IL3RA: variants seen among roughly 807,000 people sequenced by gnomAD.
IL3RA encodes the protein interleukin-3 receptor subunit alpha.
In IL3RA, 73 loss-of-function variants were observed where a neutral mutation model predicts 52.3. The ratio of observed to expected loss-of-function variants is 1.40; its 90% CI spans 1.16 to 1.70. The LOEUF (loss-of-function observed/expected upper bound fraction) is 1.70, where lower values mean the gene tolerates loss of function less well. Among genes scored for constraint, IL3RA ranks in the 40% most tolerant of loss-of-function variants. The pLI, the probability that IL3RA is intolerant of heterozygous loss-of-function variation, is 0.00. For missense variants in IL3RA, 664 were observed against 504.4 expected, an observed-to-expected ratio of 1.32 and a Z score of -3.03; for synonymous variants, 260 against 194.0, an observed-to-expected ratio of 1.34 and a Z score of -2.83.
At chrX:1,353,631 C>A (rs866415009) in intron 6 of IL3RA, among the ~76,000 whole-genome samples, 1 of 51,982 alleles carries the variant, frequency 1.9e-5, no homozygotes, top group Non-Finnish European at 4.0e-5. Context: ...TCATGGGACC[C>A]CCCCCATCAT....
chrX:1,358,991 AAAAT>A (rs1441930103), intron 8 of IL3RA, 104 bp downstream of exon 8: 1 of 777,112 alleles, frequency 1.3e-6, no homozygotes, highest in African/African-American at 1.9e-5. Context: ...TCTTATTAAT[AAAAT>A]AATGAAAATA....
chrX:1,338,275 T>A (rs1306885345), intron 1 of IL3RA, among the ~76,000 whole-genome samples: 1 of 140,312 alleles, frequency 7.1e-6, no homozygotes, highest in Non-Finnish European at 1.5e-5. Context: ...ATAATGTCCA[T>A]CCACACAGTG....
intron 2 of IL3RA, among the ~76,000 whole-genome samples, chrX:1,342,992 T>G (rs1319099020): frequency 6.6e-6 from 1 of 151,740 alleles, no homozygotes; most frequent in Non-Finnish European, 1.5e-5. Flanking sequence ...GGAGAGTCGC[T>G]TGAACCCGGG....
intron 2 of IL3RA, among the ~76,000 whole-genome samples, chrX:1,344,082 C>G (rs1196430589): frequency 6.6e-6 from 1 of 152,040 alleles, no homozygotes; most frequent in East Asian, 1.9e-4. Context: ...GCGTGAGCCA[C>G]CACGCCCGTT....
At chrX:1,342,810 C>A (rs144745502) in intron 2 of IL3RA, among the ~76,000 whole-genome samples, 1 of 148,158 alleles carries the variant, frequency 6.7e-6, no homozygotes, top group Non-Finnish European at 1.5e-5. Flanking sequence ...CCGCCTGCCT[C>A]GGGGTTGGGA....
At chrX:1,361,473 C>A (rs1233140545) in intron 8 of IL3RA, among the ~76,000 whole-genome samples, 1 of 152,070 alleles carries the variant, frequency 6.6e-6, no homozygotes, top group Non-Finnish European at 1.5e-5. Context: ...AGACAGTCGC[C>A]GGGCGCAGTG....
In IL3RA at chrX:1,378,717, G is replaced by A. The variant is rs750350949; in HGVS notation, c.933G>A (p.Ala311=). ...CCTGGCGGACGTCGCTGCTGATCGC[G>A]CTGGGGACGCTGCTGGCCCTGGTCT... ...TRAWRTSLLI[A]LGTLLALVCV... Residue 311 remains alanine, a synonymous_variant, in exon 10 of 12, where the codon GCG becomes GCA. Coordinates refer to ENST00000331035, the MANE Select transcript of IL3RA (RefSeq NM_002183.4). The A allele has an allele frequency of 2.4e-5, 39 of 1,612,478 alleles. No homozygotes were observed. The highest frequency in any genetic ancestry group is 3.1e-5 in the Non-Finnish European group (36 of 1,179,848).
chrX:1,351,268 C>G (rs1374688204), intron 4 of IL3RA, among the ~76,000 whole-genome samples: 5 of 152,098 alleles, frequency 3.3e-5, no homozygotes, highest in African/African-American at 1.2e-4. Flanking sequence ...TTATTTTTTA[C>G]AACGGCTTGT....
At chrX:1,361,873 G>A (rs1272363921) in intron 8 of IL3RA, among the ~76,000 whole-genome samples, 1 of 151,342 alleles carries the variant, frequency 6.6e-6, no homozygotes, top group Non-Finnish European at 1.5e-5. Context: ...CTGCCCCCAT[G>A]ATTCAGTTAT....
chrX:1,345,341 A>C lies in IL3RA; in HGVS notation c.90A>C (p.Leu30=), dbSNP rs758463406. ...KEDPNPPITN[L]RMKAKAQQLT... is the part of the protein sequence containing the mutation. ...ATCCAAACCCACCAATCACGAACCT[A>C]AGGATGAAAGCAAAGGCTCAGCAGT... The change falls in exon 3 of 12, where the codon CTA becomes CTC. Residue 30 remains leucine (L), a synonymous_variant. Coordinates refer to ENST00000331035, the MANE Select transcript of IL3RA (RefSeq NM_002183.4). The C allele has an allele frequency of 6.8e-6, 11 of 1,610,944 alleles. No individual in the cohort carries two copies. Among genetic ancestry groups the C allele is most frequent in the Non-Finnish European group, 9.3e-6 (11 of 1,178,282 alleles).
intron 3 of IL3RA, among the ~76,000 whole-genome samples, chrX:1,346,421 G>A (rs1294315588): frequency 3.4e-5 from 5 of 147,732 alleles, no homozygotes; most frequent in Non-Finnish European, 6.0e-5. Context: ...CCTGGGGGAC[G>A]AGAGCAAGAC....
chrX:1,347,308 G>C (rs2085787946), intron 3 of IL3RA, among the ~76,000 whole-genome samples: 1 of 151,172 alleles, frequency 6.6e-6, no homozygotes, highest in African/African-American at 2.5e-5. Flanking sequence ...GCCGGGCGTG[G>C]TGGCTGGTGC....
intron 1 of IL3RA, among the ~76,000 whole-genome samples, chrX:1,340,404 C>G (rs1442893083): frequency 6.6e-6 from 1 of 152,206 alleles, no homozygotes; most frequent in African/African-American, 2.4e-5. Flanking sequence ...GCATGAGCCA[C>G]TGCACCCAGC....
intron 2 of IL3RA, among the ~76,000 whole-genome samples, chrX:1,343,482 T>C (rs1271526024): frequency 6.7e-6 from 1 of 148,282 alleles, no homozygotes; most frequent in Non-Finnish European, 1.5e-5. Flanking sequence ...TTGGCCATCA[T>C]GGTGAAACCC....
chrX:1,362,262 TTCTG>T (rs1390922178), intron 8 of IL3RA, among the ~76,000 whole-genome samples: 3 of 151,718 alleles, frequency 2.0e-5, no homozygotes, highest in African/African-American at 4.8e-5. Flanking sequence ...CTCTCTGTTT[TTCTG>T]TCTCTTTTTC....
At position 1,356,124 on chromosome X, in the gene IL3RA, G is replaced by C. The variant is rs1363961755; in HGVS notation, c.617-97G>C. The C allele has an allele frequency of 9.0e-6, 7 of 774,554 alleles. No individual in the cohort carries two copies. In the Admixed American group the frequency reaches 1.1e-4, roughly 13 times the overall value. 48.0% of individuals were successfully genotyped at this position (774,554 alleles called of 1,614,324 possible). Reference sequence around the variant, plus strand: ...TCTCCCGCTCTCCAAATGCATAGGAGAAGTAATTTGAAGTATCTCCAGAAA... The same window carrying C: ...TCTCCCGCTCTCCAAATGCATAGGACAAGTAATTTGAAGTATCTCCAGAAA... On this transcript the variant is annotated intron_variant, in intron 6 of 11. Coordinates refer to ENST00000331035, the MANE Select transcript of IL3RA (RefSeq NM_002183.4).
chrX:1,339,604 C>G (rs149004826), intron 1 of IL3RA, among the ~76,000 whole-genome samples: 2,247 of 152,118 alleles, frequency 0.015, 57 homozygotes, highest in African/African-American at 0.051. Flanking sequence ...CCAGCCTGAC[C>G]AACATGGTGA....
intron 6 of IL3RA, among the ~76,000 whole-genome samples, chrX:1,355,603 G>T (rs1219386768): frequency 6.6e-6 from 1 of 151,200 alleles, no homozygotes; most frequent in Non-Finnish European, 1.5e-5. Context: ...GGGTTCCCGG[G>T]AAGTGGAGGA....
chrX:1,350,466 GT>G (rs761376559), intron 4 of IL3RA, among the ~76,000 whole-genome samples: 4,125 of 151,538 alleles, frequency 0.027, 55 homozygotes, highest in Middle Eastern at 0.058. Flanking sequence ...GCACATGCCT[GT>G]AGTCCCAGCT....
Sources: gnomAD v4.1 joint callset for allele counts (sites outside exome capture counted in the v4.1 genomes callset) on GRCh38, gnomAD v4.1.1 for gene constraint, MANE v1.5 for transcripts, NCBI Gene and HGNC (gene_info 2026-07-23, HGNC 2026-07-21) for gene names.